The following ABHD2 variants were observed in gnomAD, a reference collection of about 807,000 sequenced individuals.
ABHD2 encodes monoacylglycerol lipase ABHD2.
Under a neutral mutation model 48.1 loss-of-function variants are expected in ABHD2, and 20 were observed. The ratio of observed to expected loss-of-function variants is 0.42; its 90% CI spans 0.29 to 0.60. The LOEUF (loss-of-function observed/expected upper bound fraction) is 0.60, where lower values mean the gene tolerates loss of function less well. ABHD2 is among the 20% of genes least tolerant of loss of function. ABHD2 has a pLI of 0.24. For synonymous variants in ABHD2, 209 were observed against 214.2 expected, an observed-to-expected ratio of 0.98 and a Z score of 0.21; for missense variants, 405 against 550.9, an observed-to-expected ratio of 0.74 and a Z score of 2.65.
intron 3 of ABHD2, among the ~76,000 whole-genome samples, chr15:89,128,982 T>C (rs1011737539): frequency 2.0e-5 from 3 of 152,176 alleles, no homozygotes; most frequent in Non-Finnish European, 2.9e-5. Context: ...AGGAAAGGGC[T>C]GAATCACAGA....
intron 6 of ABHD2, among the ~76,000 whole-genome samples, chr15:89,180,710 T>C (rs1013793982): frequency 5.3e-5 from 8 of 152,190 alleles, no homozygotes; most frequent in African/African-American, 1.9e-4. Context: ...TTGGCCAGCC[T>C]GCCTAGGATC....
intron 3 of ABHD2, among the ~76,000 whole-genome samples, chr15:89,141,141 T>TAATA (rs2050396282): frequency 6.6e-6 from 1 of 151,864 alleles, no homozygotes; most frequent in Non-Finnish European, 1.5e-5. Context: ...GCTAATTAAT[T>TAATA]AATTAATTAA....
the ABHD2 span, among the ~76,000 whole-genome samples, chr15:89,061,609 A>G: frequency 2.6e-5 from 4 of 151,990 alleles, no homozygotes; most frequent in African/African-American, 7.2e-5. Flanking sequence ...GTCTCACTTT[A>G]TCACCCAGAC....
intron 3 of ABHD2, chr15:89,135,397 T>A (rs2050291176): frequency 1.7e-6 from 1 of 578,924 alleles, no homozygotes; most frequent in East Asian, 2.9e-5. Context: ...TGGTAGTGTG[T>A]TAACTATACA....
At chr15:89,068,850 C>A in the ABHD2 span, among the ~76,000 whole-genome samples, 1 of 141,718 alleles carries the variant, frequency 7.1e-6, no homozygotes, top group Non-Finnish European at 1.5e-5. Flanking sequence ...CTCACTGCAA[C>A]CTCCACCTCC....
intron 3 of ABHD2, among the ~76,000 whole-genome samples, chr15:89,126,951 C>G (rs1363073035): frequency 6.6e-6 from 1 of 152,124 alleles, no homozygotes; most frequent in African/African-American, 2.4e-5. Flanking sequence ...AAATCTACCC[C>G]TCCATGAAAT....
rs2051454259 is a variant in ABHD2, at chr15:89,200,387, A to G, written c.*4964A>G. On this transcript the variant is annotated 3_prime_UTR_variant, in exon 11 of 11. Coordinates refer to ENST00000352732, the MANE Select transcript of ABHD2 (RefSeq NM_152924.5). The stretch of plus-strand genomic sequence containing the variant: ...GGCACAGGCACACCTCACTTCCCAG[A>G]CAGTTGGGCGGCCAGGCAAGCGCTC... The G allele has an allele frequency of 6.6e-6, 1 of 151,458 alleles. No individual in the cohort carries two copies. Among genetic ancestry groups the G allele is most frequent in the Non-Finnish European group, 1.5e-5 (1 of 67,920 alleles). 9.4% of individuals were successfully genotyped at this position (151,458 alleles called of 1,614,324 possible). A position where few individuals can be genotyped will look rare whatever the true frequency, so the allele number is the denominator to read the frequency against.
the ABHD2 span, among the ~76,000 whole-genome samples, chr15:89,073,733 G>C: frequency 6.6e-6 from 1 of 152,162 alleles, no homozygotes; most frequent in Admixed American, 6.5e-5. Context: ...TGGGGGACCT[G>C]AGGTTCTGCA....
rs2050855724 is a variant in ABHD2, at chr15:89,167,505, G to A, written c.539-8307G>A. Reference sequence around the variant, plus strand: ...GTGTCAGGGAGTCATATCCAAAGCAGAACAGTGGCCAAGAGTGGTGAGTTC... The same window carrying A: ...GTGTCAGGGAGTCATATCCAAAGCAAAACAGTGGCCAAGAGTGGTGAGTTC... On this transcript the variant is annotated intron_variant, in intron 5 of 10. Coordinates refer to ENST00000352732, the MANE Select transcript of ABHD2 (RefSeq NM_152924.5). This position sits in a 1 kb window ranked among gnomAD's most constrained non-coding sequence, Gnocchi z 5.5. 6.6e-6 allele frequency among the ~76,000 whole-genome samples: 1 copy of A among 152,196 alleles called. No individual in the cohort carries two copies. Among genetic ancestry groups the A allele is most frequent in the Admixed American group, 6.5e-5 (1 of 15,276 alleles).
At chr15:89,080,904 G>A in the ABHD2 span, among the ~76,000 whole-genome samples, 1 of 151,886 alleles carries the variant, frequency 6.6e-6, no homozygotes, top group Non-Finnish European at 1.5e-5. Context: ...GAATCATACA[G>A]TATTTGTCCT....
the ABHD2 span, among the ~76,000 whole-genome samples, chr15:89,052,554 G>GACACACAC: frequency 8.4e-5 from 10 of 118,720 alleles, no homozygotes; most frequent in South Asian, 1.4e-3. Flanking sequence ...CAGACAGACA[G>GACACACAC]ACAGACACAC....
At chr15:89,061,538 C>A in the ABHD2 span, among the ~76,000 whole-genome samples, 1 of 152,128 alleles carries the variant, frequency 6.6e-6, no homozygotes, top group Admixed American at 6.5e-5. Context: ...TAAACCCGCA[C>A]ATATACCTCC....
intron 3 of ABHD2, among the ~76,000 whole-genome samples, chr15:89,118,315 C>G (rs2049994440): frequency 6.6e-6 from 1 of 152,014 alleles, no homozygotes; most frequent in African/African-American, 2.4e-5. Context: ...TCCCCAGTAG[C>G]TGGGACTACG....
chr15:89,183,384 A>AAATAT (rs61602174), intron 6 of ABHD2: 45 of 46,256 alleles, frequency 9.7e-4, no homozygotes, highest in East Asian at 5.5e-3. Flanking sequence ...AAAAAAAAAA[A>AAATAT]ATATATATAT....
At chr15:89,136,354 T>C in intron 3 of ABHD2, 1 of 525,400 alleles carries the variant, frequency 1.9e-6, no homozygotes, top group Non-Finnish European at 3.7e-6. Flanking sequence ...GTCTTCCACC[T>C]CTCTGAGCAC....
the ABHD2 span, among the ~76,000 whole-genome samples, chr15:89,065,469 G>A: frequency 6.6e-6 from 1 of 151,992 alleles, no homozygotes; most frequent in Non-Finnish European, 1.5e-5. Context: ...TCCTCCTGAG[G>A]GCCTCTTGTT....
the ABHD2 span, among the ~76,000 whole-genome samples, chr15:89,063,354 C>T: frequency 9.9e-5 from 15 of 152,102 alleles, no homozygotes; most frequent in African/African-American, 2.4e-4. Flanking sequence ...AAAATTTGCT[C>T]ATAACCAAAA....
At chr15:89,123,839 G>T (rs1474368973) in intron 3 of ABHD2, among the ~76,000 whole-genome samples, 5 of 151,806 alleles carry the variant, frequency 3.3e-5, no homozygotes, top group Admixed American at 2.0e-4. Flanking sequence ...TAAACCCCTG[G>T]GCTAGCGATC....
chr15:89,052,053 C>T, the ABHD2 span, among the ~76,000 whole-genome samples: 1 of 152,100 alleles, frequency 6.6e-6, no homozygotes, highest in Non-Finnish European at 1.5e-5. Context: ...ATGCATTTTC[C>T]CATGGGAACA....
Sources: gnomAD v4.1 joint callset for allele counts (sites outside exome capture counted in the v4.1 genomes callset) on GRCh38, gnomAD v4.1.1 for gene constraint, Gnocchi (gnomAD v3.1) non-coding constraint, MANE v1.5 for transcripts, NCBI Gene and HGNC (gene_info 2026-07-23, HGNC 2026-07-21) for gene names.